PDE10A: variants seen among roughly 807,000 people sequenced by gnomAD.
PDE10A encodes the protein phosphodiesterase 10A.
Under a neutral mutation model 97.7 loss-of-function variants are expected in PDE10A, and 39 were observed. That is an observed-to-expected ratio of 0.40 (90% CI 0.31 to 0.52). PDE10A has a LOEUF of 0.52. PDE10A is among the 20% of genes least tolerant of loss of function. The probability of loss-of-function intolerance (pLI) is 0.56; values close to 1 mark genes in which losing one functional copy is unlikely to be tolerated. For missense variants in PDE10A, 731 were observed against 1,047.8 expected, an observed-to-expected ratio of 0.70 and a Z score of 4.17; for synonymous variants, 371 against 376.8, an observed-to-expected ratio of 0.98 and a Z score of 0.18.
intron 1 of PDE10A, among the ~76,000 whole-genome samples, chr6:165,550,922 C>T (rs180832555): frequency 2.0e-5 from 3 of 152,242 alleles, no homozygotes. Flanking sequence ...TACACATTTA[C>T]GTTAAAAAAT....
At chr6:165,445,745 G>C (rs1349380779) in intron 5 of PDE10A, among the ~76,000 whole-genome samples, 1 of 152,162 alleles carries the variant, frequency 6.6e-6, no homozygotes, top group African/African-American at 2.4e-5. Flanking sequence ...AGATAATTTA[G>C]TTTAAAATGG....
At chr6:165,709,138 G>A (rs1215787260) in intron 1 of PDE10A, among the ~76,000 whole-genome samples, 5 of 112,194 alleles carry the variant, frequency 4.5e-5, no homozygotes, top group Admixed American at 2.8e-4. Context: ...ATGCTCCCAC[G>A]CTCTGTCCCC....
At chr6:165,981,662 G>A (rs1055613357) in intron 1 of PDE10A, among the ~76,000 whole-genome samples, 8 of 152,170 alleles carry the variant, frequency 5.3e-5, no homozygotes, top group African/African-American at 1.9e-4. Context: ...TTTCTGGTTT[G>A]AAGCCAAAGA....
At chr6:165,684,166 T>A (rs1041497138) in intron 1 of PDE10A, among the ~76,000 whole-genome samples, 1 of 152,206 alleles carries the variant, frequency 6.6e-6, no homozygotes, top group Non-Finnish European at 1.5e-5. Context: ...TCTGTAATGC[T>A]TATCAGCACC....
At chr6:165,940,882 T>C (rs1308949092) in intron 1 of PDE10A, 1 of 152,274 alleles carries the variant, frequency 6.6e-6, no homozygotes, top group Admixed American at 6.5e-5. Flanking sequence ...CAACTTTTGG[T>C]GCTATAGTAG....
intron 1 of PDE10A, among the ~76,000 whole-genome samples, chr6:165,698,314 A>C (rs533135110): frequency 7.7e-4 from 117 of 152,320 alleles, no homozygotes; most frequent in Admixed American, 1.8e-3. Flanking sequence ...TAAGCCTTAC[A>C]TTCTAATCCT....
At chr6:165,607,917 C>T (rs914177789) in intron 1 of PDE10A, among the ~76,000 whole-genome samples, 6 of 152,124 alleles carry the variant, frequency 3.9e-5, no homozygotes, top group South Asian at 4.1e-4. Context: ...TCCGGTCCTC[C>T]GCTGAGTTTG....
At chr6:165,725,414 C>T (rs1056997574) in intron 1 of PDE10A, among the ~76,000 whole-genome samples, 8 of 152,218 alleles carry the variant, frequency 5.3e-5, no homozygotes, top group African/African-American at 9.6e-5. Flanking sequence ...AGCCCAAACA[C>T]GCCCCCCACA....
At position 165,918,881 on chromosome 6, in the gene PDE10A, G is replaced by A. The variant is rs183037635; in HGVS notation, c.-615+68648C>T. Among the ~76,000 whole-genome samples, 6 of 152,152 alleles carry A rather than the reference G, an allele frequency of 3.9e-5. No individual in the cohort carries two copies. In the South Asian group the frequency reaches 6.3e-4, roughly 16 times the overall value. On this transcript the variant is annotated intron_variant, in intron 1 of 19. Transcript: ENST00000366882. ...AGACTGTCTTTGCAGATGTGTTTGC[G>A]ACCTGTTGATGAGCTACAGAGGACT...
intron 1 of PDE10A, among the ~76,000 whole-genome samples, chr6:165,719,746 C>T (rs551850945): frequency 1.3e-5 from 2 of 152,298 alleles, no homozygotes; most frequent in African/African-American, 4.8e-5. Context: ...ACTGTCAGTT[C>T]TGGGACAGAT....
intron 13 of PDE10A, among the ~76,000 whole-genome samples, chr6:165,410,939 A>AAGT (rs776965452): frequency 2.6e-5 from 1 of 38,514 alleles, no homozygotes; most frequent in African/African-American, 2.3e-4. Flanking sequence ...ATACAAAAAA[A>AAGT]TAGCCGGGCG....
chr6:165,597,324 T>C (rs1436683151), intron 1 of PDE10A, among the ~76,000 whole-genome samples: 1 of 152,206 alleles, frequency 6.6e-6, no homozygotes, highest in East Asian at 1.9e-4. Context: ...AGTTTCTTAA[T>C]AGTCACTTTC....
chr6:165,958,764 A>AGAAAGAAG (rs1784269447), intron 1 of PDE10A, among the ~76,000 whole-genome samples: 1 of 150,462 alleles, frequency 6.6e-6, no homozygotes, highest in East Asian at 1.9e-4. Context: ...AAAGAAAGAA[A>AGAAAGAAG]GAAGAAAGCA....
At chr6:165,969,493 G>A (rs1307883952) in intron 1 of PDE10A, among the ~76,000 whole-genome samples, 1 of 152,166 alleles carries the variant, frequency 6.6e-6, no homozygotes, top group African/African-American at 2.4e-5. Flanking sequence ...ACTAGAAGTA[G>A]CCCAGTTGTA....
intron 1 of PDE10A, among the ~76,000 whole-genome samples, chr6:165,854,526 C>G (rs888754977): frequency 1.3e-5 from 2 of 152,214 alleles, no homozygotes; most frequent in African/African-American, 2.4e-5. Flanking sequence ...CCCTGAGGGG[C>G]GGCCTCAAGG....
intron 11 of PDE10A, among the ~76,000 whole-genome samples, chr6:165,417,328 G>C (rs1788388845): frequency 6.6e-6 from 1 of 151,998 alleles, no homozygotes; most frequent in African/African-American, 2.4e-5. Context: ...ATGCTTCTTT[G>C]CGTTGGTCTG....
chr6:165,490,577 C>T (rs1562516173), intron 2 of PDE10A, among the ~76,000 whole-genome samples: 4 of 152,180 alleles, frequency 2.6e-5, no homozygotes, highest in South Asian at 4.1e-4. Flanking sequence ...AATAGCAGGG[C>T]GAATACAATA....
intron 1 of PDE10A, among the ~76,000 whole-genome samples, chr6:165,726,110 C>T (rs555086703): frequency 7.6e-4 from 116 of 152,178 alleles, no homozygotes; most frequent in African/African-American, 2.0e-3. Context: ...GCATAGGCAA[C>T]GCAGGGAAAG....
chr6:165,447,152 C>T (rs1204184118), intron 5 of PDE10A, among the ~76,000 whole-genome samples: 1 of 151,916 alleles, frequency 6.6e-6, no homozygotes, highest in Non-Finnish European at 1.5e-5. Context: ...GTTTTGTAAC[C>T]TAAATCCAAG....
Sources: allele counts gnomAD v4.1 joint callset (sites outside exome capture counted in the v4.1 genomes callset), GRCh38; gene constraint gnomAD v4.1.1; transcripts MANE v1.5; gene names NCBI Gene and HGNC (gene_info 2026-07-23, HGNC 2026-07-21).